Variants in HMGCLL1 observed in about 807,000 individuals in gnomAD.
HMGCLL1 encodes the protein 3-hydroxy-3-methylglutaryl-CoA lyase like 1.
Under a neutral mutation model 39.1 loss-of-function variants are expected in HMGCLL1, and 36 were observed. The ratio of observed to expected loss-of-function variants is 0.92; its 90% CI spans 0.71 to 1.22. The LOEUF (loss-of-function observed/expected upper bound fraction) is 1.22, where lower values mean the gene tolerates loss of function less well. Ranked by LOEUF, HMGCLL1 falls within the 50% of genes most tolerant of loss-of-function variation. The pLI is 0.00. For missense variants in HMGCLL1, 451 were observed against 416.5 expected, an observed-to-expected ratio of 1.08 and a Z score of -0.72; for synonymous variants, 149 against 144.0, an observed-to-expected ratio of 1.03 and a Z score of -0.25.
At chr6:55,472,328 G>A (rs973454525) in intron 7 of HMGCLL1, among the ~76,000 whole-genome samples, 2 of 151,552 alleles carry the variant, frequency 1.3e-5, no homozygotes, top group Non-Finnish European at 3.0e-5. Context: ...TGGCTGTGTG[G>A]TGGTATTTCA....
chr6:55,518,737 G>C (rs1344255671), intron 3 of HMGCLL1, among the ~76,000 whole-genome samples: 2 of 152,114 alleles, frequency 1.3e-5, no homozygotes, highest in Non-Finnish European at 2.9e-5. Context: ...CCAGCCAATA[G>C]TCAGTGTCAC....
rs972988990 is a variant in HMGCLL1, at chr6:55,557,014, C to T, written c.109-14874G>A. On this transcript the variant is annotated intron_variant, in intron 1 of 8. Coordinates refer to ENST00000274901, the MANE Select transcript of HMGCLL1 (RefSeq NM_001042406.2). ...TCAAAACCTGCTTCTCAGTTAAACACTTTCCTCCCTTCCCCCAGAATACTG... is the reference window on the plus strand; with the variant it reads ...TCAAAACCTGCTTCTCAGTTAAACATTTTCCTCCCTTCCCCCAGAATACTG... 4.6e-5 allele frequency among the ~76,000 whole-genome samples: 7 copies of T among 152,270 alleles called. No homozygotes were observed. The East Asian group carries it at 5.8e-4, about 13-fold the overall frequency.
chr6:55,621,570 T>A, the HMGCLL1 span, among the ~76,000 whole-genome samples: 1 of 151,832 alleles, frequency 6.6e-6, no homozygotes, highest in Non-Finnish European at 1.5e-5. Context: ...GAGACTCTAA[T>A]GCCTGATGAT....
At chr6:55,580,358 AG>A (rs1168564715), upstream of HMGCLL1, among the ~76,000 whole-genome samples, 6 of 145,360 alleles carry the variant, frequency 4.1e-5, no homozygotes, top group African/African-American at 1.3e-4. Flanking sequence ...AGGAGGTCAT[AG>A]TCTTCTTCTC....
chr6:55,675,433 T>G, the HMGCLL1 span, among the ~76,000 whole-genome samples: 1 of 152,218 alleles, frequency 6.6e-6, no homozygotes, highest in Admixed American at 6.5e-5. Flanking sequence ...CCAGTAACAA[T>G]AAAATGTTTT....
chr6:55,518,873 GC>G (rs2127439705), intron 3 of HMGCLL1, among the ~76,000 whole-genome samples: 1 of 152,178 alleles, frequency 6.6e-6, no homozygotes, highest in South Asian at 2.1e-4. Context: ...TCAAATCCTG[GC>G]CCACAGAATT....
chr6:55,663,318 T>C, the HMGCLL1 span, among the ~76,000 whole-genome samples: 1 of 150,182 alleles, frequency 6.7e-6, no homozygotes, highest in African/African-American at 2.4e-5. Context: ...GATATGTGTA[T>C]ATAGTGCTAT....
the HMGCLL1 span, among the ~76,000 whole-genome samples, chr6:55,614,021 G>A: frequency 6.6e-6 from 1 of 151,964 alleles, no homozygotes; most frequent in African/African-American, 2.4e-5. Context: ...AGCAAGTATT[G>A]AAAAATATTG....
chr6:55,669,444 A>G, the HMGCLL1 span, among the ~76,000 whole-genome samples: 2 of 151,916 alleles, frequency 1.3e-5, no homozygotes, highest in Non-Finnish European at 2.9e-5. Flanking sequence ...GCCCCACAAT[A>G]TTCAAAATGC....
In HMGCLL1 at chr6:55,495,494, G is replaced by T. The variant is rs147515881; in HGVS notation, c.720C>A (p.Ile240=). The T allele has an allele frequency of 6.2e-7, 1 of 1,614,018 alleles. No individual in the cohort carries two copies. The highest frequency in any genetic ancestry group is 1.3e-5 in the African/African-American group (1 of 75,032). The change falls in exon 7 of 9, where the codon ATC becomes ATA. Residue 240 remains isoleucine, a synonymous_variant. Transcript: ENST00000274901. ...KRMLESVMKE[I]PPGALAVHCH... is the part of the protein sequence containing the mutation. ...AGTGAACAGCAAGAGCACCTGGTGG[G>T]ATTTCTTTCATCACACTTTCCAACA...
the HMGCLL1 span, among the ~76,000 whole-genome samples, chr6:55,647,767 T>A: frequency 5.7e-5 from 7 of 122,292 alleles, no homozygotes; most frequent in African/African-American, 2.3e-4. Context: ...TTATTTTATT[T>A]TATTTTTTTT....
At chr6:55,655,011 G>T in the HMGCLL1 span, among the ~76,000 whole-genome samples, 2 of 151,840 alleles carry the variant, frequency 1.3e-5, no homozygotes, top group Non-Finnish European at 2.9e-5. Context: ...ACACATGCAG[G>T]CACCGAGCAC....
chr6:55,635,029 G>A, the HMGCLL1 span, among the ~76,000 whole-genome samples: 1 of 152,006 alleles, frequency 6.6e-6, no homozygotes, highest in Admixed American at 6.6e-5. Flanking sequence ...AGTTGGATGT[G>A]CCTATAAACT....
intron 4 of HMGCLL1, 111 bp from the exon 5 acceptor site, chr6:55,514,307 T>G (rs900410162): frequency 1.8e-5 from 13 of 730,434 alleles, no homozygotes; most frequent in Middle Eastern, 3.9e-4. Flanking sequence ...CTTTAATATT[T>G]GCCTTAGAAT....
the HMGCLL1 span, among the ~76,000 whole-genome samples, chr6:55,611,856 T>A: frequency 6.6e-6 from 1 of 152,170 alleles, no homozygotes; most frequent in Non-Finnish European, 1.5e-5. Flanking sequence ...TCATACTGAA[T>A]GGGCAAAATC....
chr6:55,443,281 A>C (rs1763681960), intron 7 of HMGCLL1, among the ~76,000 whole-genome samples: 1 of 152,152 alleles, frequency 6.6e-6, no homozygotes, highest in African/African-American at 2.4e-5. Context: ...GTTTTGAAAA[A>C]ATACCCAAAA....
At chr6:55,506,453 A>G (rs1319713649) in intron 5 of HMGCLL1, among the ~76,000 whole-genome samples, 2 of 151,664 alleles carry the variant, frequency 1.3e-5, no homozygotes, top group Non-Finnish European at 3.0e-5. Context: ...CCCTTATCTA[A>G]GGTTTTACTT....
intron 1 of HMGCLL1, among the ~76,000 whole-genome samples, chr6:55,558,686 C>T (rs769268171): frequency 1.3e-5 from 2 of 152,174 alleles, no homozygotes; most frequent in African/African-American, 2.4e-5. Context: ...TAGTCCCATA[C>T]ATGGGCCATC....
chr6:55,539,727 A>T (rs1769236102), intron 3 of HMGCLL1, among the ~76,000 whole-genome samples: 1 of 150,176 alleles, frequency 6.7e-6, no homozygotes, highest in Admixed American at 6.7e-5. Flanking sequence ...AGGAGGAGAG[A>T]ATAAGGAAAA....
Sources: gnomAD v4.1 joint callset for allele counts (sites outside exome capture counted in the v4.1 genomes callset) on GRCh38, gnomAD v4.1.1 for gene constraint, MANE v1.5 for transcripts, NCBI Gene and HGNC (gene_info 2026-07-23, HGNC 2026-07-21) for gene names.